The following MTUS2 variants were observed in gnomAD, a reference collection of about 807,000 sequenced individuals.
MTUS2 encodes the protein microtubule-associated tumor suppressor candidate 2.
A neutral mutation model predicts 114.1 loss-of-function variants in MTUS2; 40 were observed. The ratio of observed to expected loss-of-function variants is 0.35; its 90% confidence interval spans 0.27 to 0.46. MTUS2 has a LOEUF of 0.46. MTUS2 is among the 20% of genes least tolerant of loss of function. The probability of loss-of-function intolerance (pLI) is 1.00; values close to 1 mark genes in which losing one functional copy is unlikely to be tolerated. For missense variants in MTUS2, 1,679 were observed against 1,705.4 expected (o/e 0.98, Z 0.27); for synonymous variants, 688 against 672.0 (o/e 1.02, Z -0.37).
intron 7 of MTUS2, among the ~76,000 whole-genome samples, chr13:29,351,576 G>A (rs1869274976): frequency 1.3e-5 from 2 of 151,630 alleles, no homozygotes; most frequent in South Asian, 2.1e-4. Context: ...TACTACAAAG[G>A]CCACTACTGA....
At chr13:29,210,249 T>A (rs1895368114) in intron 5 of MTUS2, among the ~76,000 whole-genome samples, 1 of 152,100 alleles carries the variant, frequency 6.6e-6, no homozygotes, top group African/African-American at 2.4e-5. Context: ...TGTGTTTCTT[T>A]AAGTGTGTCC....
rs560038418 is a variant in MTUS2 at position 29,281,773 on chromosome 13, G to A, written c.2714G>A (p.Gly905Glu). ...ASLPSKDTPK[G>E]AGRVAPPASS... ...CTGCCTTCTAAGGACACACCCAAGG[G>A]GGCCGGCCGGGTGGCCCCTCCAGCA... Residue 905 changes from glycine (G) to glutamate (E), a missense_variant, in exon 6 of 16, where the codon GGG becomes GAG. By Grantham distance (98) the Gly-to-Glu change is moderately conservative (BLOSUM62 -2). This residue lies in a region of MTUS2 where 822 missense variants were observed against 899.7 expected (regional missense o/e 0.91). Transcript: ENST00000612955. The A allele has an allele frequency of 6.2e-7, 1 of 1,612,368 alleles. No homozygotes were observed. The highest frequency in any genetic ancestry group is 1.1e-5 in the South Asian group (1 of 91,012).
intron 8 of MTUS2, among the ~76,000 whole-genome samples, chr13:29,398,701 G>A (rs1874100228): frequency 6.6e-6 from 1 of 152,008 alleles, no homozygotes; most frequent in Non-Finnish European, 1.5e-5. Context: ...AGACCTCAAA[G>A]GTTTCCCACA....
chr13:29,483,113 T>C (rs911938213), intron 10 of MTUS2, among the ~76,000 whole-genome samples: 12 of 152,276 alleles, frequency 7.9e-5, no homozygotes, highest in Admixed American at 7.8e-4. Context: ...GACGGTTGCA[T>C]TGGGCAATGC....
chr13:29,213,543 T>C (rs1426111703), intron 5 of MTUS2, among the ~76,000 whole-genome samples: 2 of 152,250 alleles, frequency 1.3e-5, no homozygotes, highest in East Asian at 3.8e-4. Flanking sequence ...AGTTTTAGTT[T>C]TATCATTTTG....
At chr13:29,261,875 T>C (rs1897484768) in intron 5 of MTUS2, among the ~76,000 whole-genome samples, 1 of 151,870 alleles carries the variant, frequency 6.6e-6, no homozygotes, top group Admixed American at 6.6e-5. Flanking sequence ...AAGGGATTTA[T>C]TACAATGGGT....
chr13:29,498,404 C>T lies in MTUS2; in HGVS notation c.3679-14C>T, dbSNP rs1882687852. The T allele has an allele frequency of 6.2e-7, 1 of 1,613,626 alleles. No homozygotes were observed. Among genetic ancestry groups the T allele is most frequent in the African/African-American group, 1.3e-5 (1 of 75,026 alleles). Reference sequence around the variant, plus strand: ...GAATCCTGGTCAACAGCTCATGGCTCTCTGCCTCTGTAGATTGCATTGGCT... The same window carrying T: ...GAATCCTGGTCAACAGCTCATGGCTTTCTGCCTCTGTAGATTGCATTGGCT... On this transcript the variant is annotated splice_polypyrimidine_tract_variant and intron_variant, in intron 13 of 15. Coordinates refer to ENST00000612955, the MANE Select transcript of MTUS2 (RefSeq NM_001033602.4).
chr13:28,966,455 G>GTCA (rs1450002200), intron 2 of MTUS2, among the ~76,000 whole-genome samples: 1 of 152,124 alleles, frequency 6.6e-6, no homozygotes, highest in African/African-American at 2.4e-5. Context: ...GGTGCAATGG[G>GTCA]TCACACCTCT....
intron 2 of MTUS2, among the ~76,000 whole-genome samples, chr13:28,896,333 C>A (rs1280175608): frequency 6.6e-6 from 1 of 152,124 alleles, no homozygotes; most frequent in African/African-American, 2.4e-5. Context: ...ACCTACGAAT[C>A]CAACTTACAA....
intron 2 of MTUS2, among the ~76,000 whole-genome samples, chr13:28,860,352 T>G (rs1473633681): frequency 6.6e-6 from 1 of 152,070 alleles, no homozygotes; most frequent in Non-Finnish European, 1.5e-5. Context: ...CCCTAAGAGG[T>G]TAGTATCTGA....
At chr13:29,365,472 A>AAGGAT in intron 8 of MTUS2, among the ~76,000 whole-genome samples, 1 of 115,070 alleles carries the variant, frequency 8.7e-6, no homozygotes, top group Non-Finnish European at 1.9e-5. Flanking sequence ...AGCTCATCTC[A>AAGGAT]CTTATGCTTT....
At chr13:28,904,918 CTT>C (rs1018212467) in intron 2 of MTUS2, among the ~76,000 whole-genome samples, 4 of 151,666 alleles carry the variant, frequency 2.6e-5, no homozygotes, top group East Asian at 1.9e-4. Flanking sequence ...TTTGTATCCT[CTT>C]TTATTTCATT....
intron 8 of MTUS2, among the ~76,000 whole-genome samples, chr13:29,383,243 TG>T (rs1872360776): frequency 2.4e-5 from 3 of 127,100 alleles, no homozygotes; most frequent in South Asian, 2.6e-4. Context: ...TGTGTGTGTG[TG>T]TGTGTGTGTA....
intron 5 of MTUS2, among the ~76,000 whole-genome samples, chr13:29,223,859 G>C (rs1181594828): frequency 6.6e-6 from 1 of 152,208 alleles, no homozygotes; most frequent in Non-Finnish European, 1.5e-5. Context: ...TTGTCCTCAA[G>C]CTTCCAGGAG....
At chr13:29,409,964 A>G (rs1000959443) in intron 8 of MTUS2, among the ~76,000 whole-genome samples, 2 of 152,144 alleles carry the variant, frequency 1.3e-5, no homozygotes, top group African/African-American at 4.8e-5. Flanking sequence ...CTCAGGGTAA[A>G]ATCCTAGATG....
At chr13:29,502,136 T>G (rs1882953433) in intron 15 of MTUS2, among the ~76,000 whole-genome samples, 1 of 152,242 alleles carries the variant, frequency 6.6e-6, no homozygotes, top group Non-Finnish European at 1.5e-5. Context: ...AAGGCTGTGC[T>G]GGGGGCAGCA....
intron 4 of MTUS2, among the ~76,000 whole-genome samples, chr13:29,062,461 A>G (rs1888467081): frequency 6.6e-6 from 1 of 152,190 alleles, no homozygotes; most frequent in Non-Finnish European, 1.5e-5. Context: ...TCTAAGTACC[A>G]TCACACTGGC....
chr13:29,456,998 A>G (rs1323364482), intron 9 of MTUS2, among the ~76,000 whole-genome samples: 1 of 150,194 alleles, frequency 6.7e-6, no homozygotes, highest in Non-Finnish European at 1.5e-5. Flanking sequence ...AAAAAAAATT[A>G]GCCAGGCATG....
intron 6 of MTUS2, among the ~76,000 whole-genome samples, chr13:29,293,030 A>G (rs1257165178): frequency 3.3e-5 from 5 of 152,212 alleles, no homozygotes; most frequent in East Asian, 1.9e-4. Flanking sequence ...TCTGACAATG[A>G]AATAATTAGT....
Sources: allele counts gnomAD v4.1 joint callset (sites outside exome capture counted in the v4.1 genomes callset), GRCh38; gene constraint gnomAD v4.1.1; regional missense constraint gnomAD v4.1.1; transcripts MANE v1.5; gene names NCBI Gene and HGNC (gene_info 2026-07-23, HGNC 2026-07-21).